The following PPP1R12C variants were observed in gnomAD, a reference collection of about 807,000 sequenced individuals.
PPP1R12C encodes protein phosphatase 1 regulatory subunit 12C.
In PPP1R12C, 48 loss-of-function variants were observed where a neutral mutation model predicts 95.6. That is an observed-to-expected ratio of 0.50 (90% confidence interval 0.40 to 0.64). The LOEUF (loss-of-function observed/expected upper bound fraction) is 0.64, where lower values mean the gene tolerates loss of function less well. PPP1R12C is among the 30% of genes least tolerant of loss of function. The pLI is 0.00. For missense variants in PPP1R12C, 1,057 were observed against 1,083.3 expected (o/e 0.98, Z 0.34); for synonymous variants, 480 against 460.8 (o/e 1.04, Z -0.53).
chr19:55,107,149 C>G (rs1392019989), intron 3 of PPP1R12C, among the ~76,000 whole-genome samples: 2 of 152,048 alleles, frequency 1.3e-5, no homozygotes, highest in Non-Finnish European at 2.9e-5. Context: ...CACGGTGACT[C>G]ACGCCTGTAA....
At chr19:55,097,913 C>T (rs938863077) in intron 6 of PPP1R12C, among the ~76,000 whole-genome samples, 5 of 152,156 alleles carry the variant, frequency 3.3e-5, no homozygotes, top group African/African-American at 9.7e-5. Flanking sequence ...GCCTGGCACT[C>T]GTGGCCCTCC....
intron 4 of PPP1R12C, among the ~76,000 whole-genome samples, chr19:55,101,630 C>T (rs1208581554): frequency 2.6e-5 from 4 of 152,210 alleles, no homozygotes; most frequent in African/African-American, 7.2e-5. Context: ...GAGATGAAGC[C>T]GCCCCCAGGA....
chr19:55,112,814 C>T lies in PPP1R12C; in HGVS notation c.322-19G>A, dbSNP rs370469303. On this transcript the variant is annotated intron_variant, in intron 1 of 21. Coordinates refer to ENST00000263433, the MANE Select transcript of PPP1R12C (RefSeq NM_017607.4). ...TGCAGGCCTGGGGGTGGGAAACAGC[C>T]GTCAGCCGCACCTACCCCAGCCACG... is the stretch of plus-strand genomic sequence containing the variant. 8.1e-6 allele frequency: 13 copies of T among 1,610,336 alleles called. No homozygotes were observed. The African/African-American group carries it at 1.1e-4, about 13-fold the overall frequency.
rs1413632110 is a variant in PPP1R12C, at chr19:55,091,694, T to C, written c.2218A>G (p.Arg740Gly). 2 of 1,600,760 alleles carry C rather than the reference T, an allele frequency of 1.2e-6. No individual in the cohort carries two copies. The highest frequency in any genetic ancestry group is 2.2e-5 in the South Asian group (2 of 90,698). Residue 740 changes from arginine to glycine, a missense_variant, in exon 21 of 22, where the codon AGG becomes GGG. By Grantham distance (125) the Arg-to-Gly change is moderately radical. This residue lies in a region of PPP1R12C where 347 missense variants were observed against 307.9 expected (regional missense o/e 1.13). Coordinates refer to ENST00000263433, the MANE Select transcript of PPP1R12C (RefSeq NM_017607.4). The part of the protein sequence containing the change: ...ALLELERFER[R>G]ALERKAAELE... ...TCTGCGGCCTTGCGTTCCAGGGCCC[T>C]GCGCTCCTGGAATGAACAGGGAAAG...
At chr19:55,104,684 T>A (rs2147199558) in intron 3 of PPP1R12C, among the ~76,000 whole-genome samples, 1 of 147,978 alleles carries the variant, frequency 6.8e-6, no homozygotes. Flanking sequence ...GGTGATAGAG[T>A]GAGACTCCGT....
chr19:55,113,551 G>C (rs1465952023), intron 1 of PPP1R12C: 1 of 1,356,754 alleles, frequency 7.4e-7, no homozygotes, highest in Non-Finnish European at 9.5e-7. Context: ...GGTCGGAGGA[G>C]GGACTTGCCC....
rs1478737074 is a variant in PPP1R12C at position 55,092,253 on chromosome 19, T to G, written c.2129A>C (p.Gln710Pro). Residue 710 changes from glutamine to proline, a missense_variant, in exon 19 of 22, where the codon CAG becomes CCG. By Grantham distance (76) the Gln-to-Pro change is moderately conservative. This residue lies in a region of PPP1R12C where 347 missense variants were observed against 307.9 expected (regional missense o/e 1.13). Transcript: ENST00000263433. Reference sequence around the variant, plus strand: ...GGCCCGCTCCAGCTCCACCTTGAGCTGCGCCAGCCGCAGCGTGGTCTCGGT... The same window carrying G: ...GGCCCGCTCCAGCTCCACCTTGAGCGGCGCCAGCCGCAGCGTGGTCTCGGT... ...ALTETTLRLA[Q>P]LKVELERATQ... 1.9e-6 allele frequency: 3 copies of G among 1,588,530 alleles called. No individual in the cohort carries two copies. Among genetic ancestry groups the G allele is most frequent in the Non-Finnish European group, 2.6e-6 (3 of 1,169,008 alleles).
At chr19:55,097,443 C>G (rs1308104669) in intron 6 of PPP1R12C, among the ~76,000 whole-genome samples, 1 of 143,088 alleles carries the variant, frequency 7.0e-6, no homozygotes, top group African/African-American at 2.7e-5. Flanking sequence ...CGTCTTCGCC[C>G]CTTCTCCGCG....
intron 1 of PPP1R12C, among the ~76,000 whole-genome samples, chr19:55,115,834 G>A (rs1056651495): frequency 2.6e-5 from 4 of 152,188 alleles, no homozygotes; most frequent in Non-Finnish European, 5.9e-5. Context: ...CCGGCCCTGG[G>A]AATATAAGGT....
At chr19:55,112,396 TA>T in intron 3 of PPP1R12C, 70 bp downstream of exon 3, 2 of 1,420,188 alleles carry the variant, frequency 1.4e-6, no homozygotes, top group Non-Finnish European at 1.9e-6. Flanking sequence ...AGGCCGCCTC[TA>T]AAGCTCTCAG....
At position 55,094,438 on chromosome 19, in the gene PPP1R12C, G is replaced by C; in HGVS notation, c.1593-3C>G. 6.2e-7 allele frequency: 1 copy of C among 1,613,732 alleles called. No homozygotes were observed. Among genetic ancestry groups the C allele is most frequent in the Non-Finnish European group, 8.5e-7 (1 of 1,179,950 alleles). On this transcript the variant is annotated splice_region_variant and splice_polypyrimidine_tract_variant and intron_variant, in intron 12 of 21. Transcript: ENST00000263433. ...CCCGCACAGGCATCTGGTAGGACCT[G>C]AGGGAAGGGTCCCAACCTCAGACAG...
intron 4 of PPP1R12C, 77 bp downstream of exon 4, chr19:55,103,332 A>G (rs1367692961): frequency 3.5e-5 from 46 of 1,319,316 alleles, no homozygotes; most frequent in Non-Finnish European, 4.2e-5. Context: ...CGGTACATAC[A>G]TTTAAAAAGA....
chr19:55,111,150 A>AGGGGGGGGGGGGGGGGG (rs66532829), intron 3 of PPP1R12C, among the ~76,000 whole-genome samples: 2 of 65,090 alleles, frequency 3.1e-5, no homozygotes, highest in African/African-American at 8.8e-5. Flanking sequence ...GGTGGGGGGG[A>AGGGGGGGGGGGGGGGGG]GGGGGGGGTG....
intron 6 of PPP1R12C, among the ~76,000 whole-genome samples, chr19:55,097,654 TTCACCACCGTCTTCGCCCCTTCCCCGC>T (rs1313379062): frequency 3.5e-4 from 51 of 144,660 alleles, no homozygotes; most frequent in Non-Finnish European, 7.5e-4. Context: ...TTCCCCGCAG[TTCACCACCGTCTTCGCCCCTTCCCCGC>T]GCAGTTCACC....
At chr19:55,092,392 G>A in intron 18 of PPP1R12C, 50 bp downstream of exon 18, 1 of 1,573,946 alleles carries the variant, frequency 6.4e-7, no homozygotes. Flanking sequence ...GGGAAGCCAG[G>A]AAGCTGGGCA....
At position 55,091,143 on chromosome 19, in the gene PPP1R12C, C is replaced by A. The variant is rs769397633; in HGVS notation, c.*329G>T. 3 of 383,742 alleles carry A rather than the reference C, an allele frequency of 7.8e-6. No homozygotes were observed. The highest frequency in any genetic ancestry group is 6.2e-5 in the African/African-American group (3 of 48,394). 23.8% of individuals were successfully genotyped at this position (383,742 alleles called of 1,614,324 possible). A position where few individuals can be genotyped will look rare whatever the true frequency, so the allele number is the denominator to read the frequency against. On this transcript the variant is annotated 3_prime_UTR_variant, in exon 22 of 22. Coordinates refer to ENST00000263433, the MANE Select transcript of PPP1R12C (RefSeq NM_017607.4). Reference sequence around the variant, plus strand: ...GGAGGGGTGACGGGGTGGCATCACACGTGAGATGGGGACCTCCAGGCGGCC... The same window carrying A: ...GGAGGGGTGACGGGGTGGCATCACAAGTGAGATGGGGACCTCCAGGCGGCC...
At chr19:55,113,578 T>G in intron 1 of PPP1R12C, 1 of 1,303,728 alleles carries the variant, frequency 7.7e-7, no homozygotes, top group Non-Finnish European at 9.8e-7. Context: ...TTGTGGACAC[T>G]GGGTGGGCTC....
At chr19:55,104,663 A>C (rs1165027666) in intron 3 of PPP1R12C, among the ~76,000 whole-genome samples, 1 of 151,400 alleles carries the variant, frequency 6.6e-6, no homozygotes, top group South Asian at 2.1e-4. Context: ...GCACCACTGC[A>C]CTCCAGCCTG....
At chr19:55,103,369 G>A (rs1009722638) in intron 4 of PPP1R12C, 40 bp downstream of exon 4, 1 of 1,379,818 alleles carries the variant, frequency 7.2e-7, no homozygotes. Flanking sequence ...TCCACAGGAA[G>A]GTATAAGACA....
Sources: allele counts gnomAD v4.1 joint callset (sites outside exome capture counted in the v4.1 genomes callset), GRCh38; gene constraint gnomAD v4.1.1; regional missense constraint gnomAD v4.1.1; transcripts MANE v1.5; gene names NCBI Gene and HGNC (gene_info 2026-07-23, HGNC 2026-07-21).